SORL1: variants seen among roughly 807,000 people sequenced by gnomAD.
SORL1 encodes sortilin related receptor 1.
In SORL1, 127 loss-of-function variants were observed where a neutral mutation model predicts 273.7. The ratio of observed to expected loss-of-function variants is 0.46; its 90% CI spans 0.40 to 0.54. SORL1 has a LOEUF of 0.54. Ranked by LOEUF, SORL1 falls within the 20% of genes least tolerant of loss-of-function variation. The pLI, the probability that SORL1 is intolerant of heterozygous loss-of-function variation, is 0.00. For synonymous variants in SORL1, 1,031 were observed against 1,067.4 expected, an observed-to-expected ratio of 0.97 and a Z score of 0.66; for missense variants, 2,494 against 2,846.1, an observed-to-expected ratio of 0.88 and a Z score of 2.81.
Position 121,586,395 on chromosome 11 carries a change from G to A in SORL1, c.3814+66G>A. 6.7e-6 allele frequency: 8 copies of A among 1,193,364 alleles called. No individual in the cohort carries two copies. In the South Asian group the frequency reaches 9.6e-5, roughly 14 times the overall value. The allele number at this position is 1,193,364 out of a possible 1,614,324, so 73.9% of individuals were successfully genotyped here. A position where few individuals can be genotyped will look rare whatever the true frequency, so the allele number is the denominator to read the frequency against. On this transcript the variant is annotated intron_variant, in intron 27 of 47. Transcript: ENST00000260197. ...TGATTATGAGTGAAGAGCGTATATT[G>A]GACTAAATCCTTTCATTTCCTCAGT... is the stretch of plus-strand genomic sequence containing the variant.
At chr11:121,623,742 C>A (rs1025445963) in intron 45 of SORL1, among the ~76,000 whole-genome samples, 4 of 152,210 alleles carry the variant, frequency 2.6e-5, no homozygotes, top group African/African-American at 9.6e-5. Context: ...TGGAGCCCGG[C>A]TCTTAGGTTA....
At chr11:121,574,020 G>A (rs558521339) in intron 23 of SORL1, among the ~76,000 whole-genome samples, 4 of 152,292 alleles carry the variant, frequency 2.6e-5, no homozygotes, top group South Asian at 4.1e-4. Context: ...GTCCTGTTCC[G>A]ATCTGGAAGC....
chr11:121,600,770 C>A (rs1270276817), intron 32 of SORL1, among the ~76,000 whole-genome samples: 2 of 152,144 alleles, frequency 1.3e-5, no homozygotes, highest in Admixed American at 1.3e-4. Context: ...GAGAACCTGT[C>A]CCCTGAAGGC....
At chr11:121,597,754 C>T (rs1863320783) in intron 32 of SORL1, among the ~76,000 whole-genome samples, 1 of 152,234 alleles carries the variant, frequency 6.6e-6, no homozygotes, top group African/African-American at 2.4e-5. Flanking sequence ...GCCACCACGC[C>T]CGGTGACTGG....
intron 8 of SORL1, 70 bp from the exon 9 acceptor site, chr11:121,520,587 A>G (rs1317898639): frequency 2.6e-6 from 3 of 1,150,216 alleles, no homozygotes; most frequent in African/African-American, 3.1e-5. Context: ...TAAATGGTCA[A>G]ATTTTATGTT....
chr11:121,546,862 G>C (rs944356750), intron 14 of SORL1: 3 of 152,210 alleles, frequency 2.0e-5, no homozygotes, highest in Non-Finnish European at 2.9e-5. Flanking sequence ...ATCACTTGCA[G>C]ATTCTGCCTT....
At chr11:121,486,334 T>G (rs1380249977) in intron 3 of SORL1, among the ~76,000 whole-genome samples, 1 of 152,138 alleles carries the variant, frequency 6.6e-6, no homozygotes, top group African/African-American at 2.4e-5. Context: ...TTCTGGTTAT[T>G]TCTCTCAGGC....
At chr11:121,542,438 T>C (rs548100420) in intron 12 of SORL1, among the ~76,000 whole-genome samples, 2 of 152,050 alleles carry the variant, frequency 1.3e-5, no homozygotes, top group African/African-American at 2.4e-5. Flanking sequence ...CTTTTTTCTT[T>C]ATTTATTTGG....
chr11:121,588,180 T>G, intron 28 of SORL1, 29 bp downstream of exon 28: 1 of 1,610,340 alleles, frequency 6.2e-7, no homozygotes, highest in Non-Finnish European at 8.5e-7. Context: ...GGGAGGTGAC[T>G]CACGGTCACT....
At chr11:121,622,662 A>G (rs766185306) in intron 45 of SORL1, among the ~76,000 whole-genome samples, 4 of 152,136 alleles carry the variant, frequency 2.6e-5, no homozygotes, top group Non-Finnish European at 4.4e-5. Flanking sequence ...GTTGAGCTGC[A>G]CTCTCAGCCT....
At chr11:121,594,487 A>G (rs755368818) in intron 31 of SORL1, among the ~76,000 whole-genome samples, 33 of 147,752 alleles carry the variant, frequency 2.2e-4, no homozygotes, top group Non-Finnish European at 4.2e-4. Flanking sequence ...TTATATTTCA[A>G]CTCTTTGCTG....
intron 21 of SORL1, chr11:121,566,734 T>C: frequency 3.9e-6 from 2 of 507,314 alleles, no homozygotes; most frequent in South Asian, 5.9e-5. Context: ...CAGTCTGATC[T>C]GGCTGAAGAC....
chr11:121,599,669 T>C (rs1012614112), intron 32 of SORL1, among the ~76,000 whole-genome samples: 1 of 152,268 alleles, frequency 6.6e-6, no homozygotes, highest in African/African-American at 2.4e-5. Flanking sequence ...GGTTGAGCTT[T>C]GTCATTTACT....
In SORL1 at chr11:121,470,096, G is replaced by A. The variant is rs960544735; in HGVS notation, c.375G>A (p.Leu125=). The A allele has an allele frequency of 8.7e-6, 14 of 1,613,762 alleles. No individual in the cohort carries two copies. Among genetic ancestry groups the A allele is most frequent in the Non-Finnish European group, 1.2e-5 (14 of 1,179,764 alleles). The part of the protein sequence containing the change: ...NVIVALARDS[L]ALARPKSSDV... ...TCGTGGCCTTGGCCCGAGATAGCCTGGCATTGGCGAGGCCCAAGAGCAGTG... is the reference window on the plus strand; with the variant it reads ...TCGTGGCCTTGGCCCGAGATAGCCTAGCATTGGCGAGGCCCAAGAGCAGTG... Residue 125 remains leucine (L), a synonymous_variant, in exon 2 of 48, where the codon CTG becomes CTA. Transcript: ENST00000260197.
intron 6 of SORL1, among the ~76,000 whole-genome samples, chr11:121,504,157 T>C (rs1861753903): frequency 6.6e-6 from 1 of 152,210 alleles, no homozygotes; most frequent in South Asian, 2.1e-4. Flanking sequence ...CTCACGCCTG[T>C]AATATCAGCA....
chr11:121,606,040 A>C (rs550078865), intron 35 of SORL1, among the ~76,000 whole-genome samples: 1 of 152,280 alleles, frequency 6.6e-6, no homozygotes, highest in East Asian at 1.9e-4. Context: ...CTCCCGCCTC[A>C]GCCTCTCGCA....
At position 121,456,841 on chromosome 11, in the gene SORL1, C is replaced by A. The variant is rs187332660; in HGVS notation, c.285+4225C>A. Among the ~76,000 whole-genome samples, 404 of 152,298 alleles carry A rather than the reference C, an allele frequency of 2.7e-3. 3 individuals are homozygous for A. Among genetic ancestry groups the A allele is most frequent in the South Asian group, 2.9e-3 (14 of 4,824 alleles). On this transcript the variant is annotated intron_variant, in intron 1 of 47. Coordinates refer to ENST00000260197, the MANE Select transcript of SORL1 (RefSeq NM_003105.6). ...ATAAAGTGTCTATTACAGCACAAGGCCCTGGGACAAAAGGCCTCCTTTGGG... is the reference window on the plus strand; with the variant it reads ...ATAAAGTGTCTATTACAGCACAAGGACCTGGGACAAAAGGCCTCCTTTGGG...
chr11:121,551,656 A>G (rs1862509025), intron 16 of SORL1, among the ~76,000 whole-genome samples: 1 of 152,232 alleles, frequency 6.6e-6, no homozygotes, highest in Non-Finnish European at 1.5e-5. Context: ...GTGGACAGCC[A>G]TAAGCACCGA....
intron 14 of SORL1, among the ~76,000 whole-genome samples, chr11:121,546,643 A>G (rs1325838490): frequency 6.6e-6 from 1 of 152,192 alleles, no homozygotes; most frequent in African/African-American, 2.4e-5. Context: ...CATATAGTAA[A>G]TGTTTTAGAC....
Sources: gnomAD v4.1 joint callset for allele counts (sites outside exome capture counted in the v4.1 genomes callset) on GRCh38, gnomAD v4.1.1 for gene constraint, MANE v1.5 for transcripts, NCBI Gene and HGNC (gene_info 2026-07-23, HGNC 2026-07-21) for gene names.